Variants in ATP2B4 observed in about 807,000 individuals in gnomAD.
The protein encoded by ATP2B4 is plasma membrane calcium-transporting ATPase 4.
A neutral mutation model predicts 110.3 loss-of-function variants in ATP2B4; 39 were observed. That is an observed-to-expected ratio of 0.35 (90% CI 0.27 to 0.46). ATP2B4 has a LOEUF of 0.46. Among genes scored for constraint, ATP2B4 ranks in the 20% least tolerant of loss-of-function variants. The pLI, the probability that ATP2B4 is intolerant of heterozygous loss-of-function variation, is 1.00. For synonymous variants in ATP2B4, 538 were observed against 571.7 expected (o/e 0.94, Z 0.84); for missense variants, 1,135 against 1,530.9 (o/e 0.74, Z 4.32).
intron 1 of ATP2B4, among the ~76,000 whole-genome samples, chr1:203,646,842 T>C (rs1373370378): frequency 2.6e-5 from 4 of 152,164 alleles, no homozygotes; most frequent in Admixed American, 2.6e-4. Flanking sequence ...GTGTGGAATA[T>C]TCAGAAAAGC....
intron 2 of ATP2B4, among the ~76,000 whole-genome samples, chr1:203,687,298 G>GA (rs1253093596): frequency 6.6e-6 from 1 of 151,396 alleles, no homozygotes; most frequent in African/African-American, 2.4e-5. Flanking sequence ...AAGAAAGAAA[G>GA]AAAAAAAAGA....
In ATP2B4 at chr1:203,742,097, A is replaced by G. The variant is rs1294108199; in HGVS notation, c.*2243A>G. On this transcript the variant is annotated 3_prime_UTR_variant, in exon 21 of 21. Transcript: ENST00000357681. ...GAGAGAAAATATAGAAATATATGCA[A>G]AAATTATAGTTTTCTTTAGATCAGA... The G allele has an allele frequency of 6.6e-6, 1 of 152,668 alleles. No homozygotes were observed. The highest frequency in any genetic ancestry group is 1.5e-5 in the Non-Finnish European group (1 of 68,050). 9.5% of individuals were successfully genotyped at this position (152,668 alleles called of 1,614,324 possible).
intron 2 of ATP2B4, among the ~76,000 whole-genome samples, chr1:203,692,259 C>T (rs1216540334): frequency 6.6e-6 from 1 of 151,830 alleles, no homozygotes; most frequent in East Asian, 1.9e-4. Flanking sequence ...CTTACTGTAG[C>T]CTCAACCTCC....
intron 4 of ATP2B4, 58 bp from the exon 5 acceptor site, chr1:203,700,147 AC>A (rs1665648511): frequency 6.4e-7 from 1 of 1,568,944 alleles, no homozygotes; most frequent in Admixed American, 1.8e-5. Context: ...GGAGGACCCT[AC>A]CCTCAGCCAG....
At chr1:203,644,331 C>T (rs1663726381) in intron 1 of ATP2B4, among the ~76,000 whole-genome samples, 1 of 151,702 alleles carries the variant, frequency 6.6e-6, no homozygotes, top group Non-Finnish European at 1.5e-5. Context: ...AACAAACAGA[C>T]CACAGTGAAC....
chr1:203,700,593 C>T (rs534925751), intron 5 of ATP2B4, among the ~76,000 whole-genome samples: 1 of 152,272 alleles, frequency 6.6e-6, no homozygotes, highest in East Asian at 1.9e-4. Context: ...TACCCTAAAG[C>T]GGTTAGACAC....
chr1:203,667,189 C>G (rs540300746), intron 1 of ATP2B4, among the ~76,000 whole-genome samples: 1 of 152,090 alleles, frequency 6.6e-6, no homozygotes, highest in African/African-American at 2.4e-5. Flanking sequence ...TGGATTCAAG[C>G]AATCTGCCCA....
chr1:203,667,586 C>T lies in ATP2B4; in HGVS notation c.-464-15156C>T, dbSNP rs368786346. On this transcript the variant is annotated intron_variant, in intron 1 of 20. Coordinates refer to ENST00000357681, the MANE Select transcript of ATP2B4 (RefSeq NM_001684.5). ...CCTCGATATGTTTGTCCTTCTTGCT[C>T]GGGTGCTACCTTTTAAAGCCCAAAG... Among the ~76,000 whole-genome samples, 4 of 152,154 alleles carry T rather than the reference C, an allele frequency of 2.6e-5. No individual in the cohort carries two copies. In the East Asian group the frequency reaches 5.8e-4, roughly 22 times the overall value.
chr1:203,657,095 C>T, intron 1 of ATP2B4: 1 of 840,062 alleles, frequency 1.2e-6, no homozygotes, highest in Non-Finnish European at 2.0e-6. Context: ...ACCTCAATGA[C>T]AATATCTTTG....
intron 1 of ATP2B4, among the ~76,000 whole-genome samples, chr1:203,648,576 C>T (rs1301303240): frequency 2.0e-5 from 3 of 152,156 alleles, no homozygotes; most frequent in Non-Finnish European, 4.4e-5. Context: ...TACTGGTGGC[C>T]TCCATGACAG....
At chr1:203,677,329 C>T (rs1664857222) in intron 1 of ATP2B4, among the ~76,000 whole-genome samples, 1 of 151,972 alleles carries the variant, frequency 6.6e-6, no homozygotes, top group African/African-American at 2.4e-5. Flanking sequence ...TATTTTTTTC[C>T]CAACCTTCCC....
At chr1:203,677,371 G>A (rs1308160098) in intron 1 of ATP2B4, among the ~76,000 whole-genome samples, 6 of 152,140 alleles carry the variant, frequency 3.9e-5, no homozygotes. Context: ...CTGTTCCTGA[G>A]TATAGGGAGA....
chr1:203,645,623 A>C (rs1338693692), intron 1 of ATP2B4, among the ~76,000 whole-genome samples: 9 of 122,400 alleles, frequency 7.4e-5, no homozygotes, highest in African/African-American at 2.8e-4. Flanking sequence ...ATGGAATCTT[A>C]CTCTGTCACC....
chr1:203,698,693 G>A (rs1665606333), intron 3 of ATP2B4, among the ~76,000 whole-genome samples: 2 of 151,680 alleles, frequency 1.3e-5, no homozygotes, highest in South Asian at 2.1e-4. Context: ...ACCCAGGCTG[G>A]GTGCAGCAGC....
chr1:203,666,094 G>A (rs1196207197), intron 1 of ATP2B4, among the ~76,000 whole-genome samples: 5 of 152,222 alleles, frequency 3.3e-5, no homozygotes, highest in Admixed American at 6.5e-5. Context: ...AGCATACGTG[G>A]TAATTAACCT....
chr1:203,699,367 T>G, intron 3 of ATP2B4, 93 bp from the exon 4 acceptor site: 1 of 1,527,004 alleles, frequency 6.5e-7, no homozygotes, highest in Non-Finnish European at 8.9e-7. Context: ...TTTTCCTGAC[T>G]TTCTATCTTG....
intron 15 of ATP2B4, among the ~76,000 whole-genome samples, chr1:203,717,197 C>CA (rs1666181824): frequency 6.6e-6 from 1 of 152,062 alleles, no homozygotes; most frequent in African/African-American, 2.4e-5. Flanking sequence ...GACTCCATCT[C>CA]AAAAAACAAA....
chr1:203,628,052 C>G (rs1663141762), intron 1 of ATP2B4, among the ~76,000 whole-genome samples: 1 of 152,142 alleles, frequency 6.6e-6, no homozygotes, highest in African/African-American at 2.4e-5. Context: ...TGAAAAGTTT[C>G]CGATGTCGAG....
chr1:203,665,949 T>C (rs28540255), intron 1 of ATP2B4, among the ~76,000 whole-genome samples: 3 of 152,190 alleles, frequency 2.0e-5, no homozygotes, highest in African/African-American at 7.2e-5. Context: ...ATGTAGTTGG[T>C]GGGAAAAGCA....
Sources: gnomAD v4.1 joint callset for allele counts (sites outside exome capture counted in the v4.1 genomes callset) on GRCh38, gnomAD v4.1.1 for gene constraint, MANE v1.5 for transcripts, NCBI Gene and HGNC (gene_info 2026-07-23, HGNC 2026-07-21) for gene names.